MAU2: variants seen among roughly 807,000 people sequenced by gnomAD.
MAU2 encodes the protein MAU2 sister chromatid cohesion factor, also known as MAU2 chromatid cohesion factor homolog.
A neutral mutation model predicts 89.1 loss-of-function variants in MAU2; 9 were observed. That is an observed-to-expected ratio of 0.10 (90% CI 0.06 to 0.18). The LOEUF is 0.18. MAU2 is among the 10% of genes least tolerant of loss of function. MAU2 has a pLI of 1.00. For missense variants in MAU2, 425 were observed against 803.5 expected (o/e 0.53, Z 5.69); for synonymous variants, 357 against 343.4 (o/e 1.04, Z -0.44).
intron 1 of MAU2, among the ~76,000 whole-genome samples, chr19:19,326,711 TATATATATAC>T (rs1336603631): frequency 2.5e-5 from 3 of 121,008 alleles, no homozygotes; most frequent in African/African-American, 9.1e-5. Flanking sequence ...TGTATATATA[TATATATATAC>T]ATATATATAT....
chr19:19,323,701 C>G (rs2061483041), intron 1 of MAU2, among the ~76,000 whole-genome samples: 1 of 151,788 alleles, frequency 6.6e-6, no homozygotes, highest in South Asian at 2.1e-4. Flanking sequence ...AAGACAAGGG[C>G]TTGAACTCCT....
chr19:19,354,698 G>C, intron 17 of MAU2: 1 of 531,596 alleles, frequency 1.9e-6, no homozygotes, highest in South Asian at 2.2e-5. Context: ...GTATCTGGTA[G>C]ACTTGGGCTG....
chr19:19,339,557 G>GTT (rs912817658), intron 5 of MAU2: 6 of 147,106 alleles, frequency 4.1e-5, no homozygotes, highest in African/African-American at 9.9e-5. Flanking sequence ...TTTTTTTGTT[G>GTT]TTTTTTTTTT....
intron 1 of MAU2, chr19:19,334,235 C>A: frequency 1.0e-6 from 1 of 985,560 alleles, no homozygotes; most frequent in Non-Finnish European, 1.2e-6. Flanking sequence ...CTGGCCCCGC[C>A]ACTCTGAGGA....
chr19:19,329,666 G>T (rs978799645), intron 1 of MAU2, among the ~76,000 whole-genome samples: 1 of 151,978 alleles, frequency 6.6e-6, no homozygotes, highest in Non-Finnish European at 1.5e-5. Context: ...CAAGCAATAG[G>T]GTAGTTTAAA....
intron 3 of MAU2, among the ~76,000 whole-genome samples, chr19:19,336,782 C>T (rs1022801590): frequency 1.3e-5 from 2 of 152,200 alleles, no homozygotes; most frequent in African/African-American, 4.8e-5. Flanking sequence ...ATCTGCCTTC[C>T]TCCCACCTCA....
At chr19:19,350,607 C>CAAA (rs35857527) in intron 16 of MAU2, among the ~76,000 whole-genome samples, 1 of 130,394 alleles carries the variant, frequency 7.7e-6, no homozygotes, top group Non-Finnish European at 1.6e-5. Context: ...GACTCCATCT[C>CAAA]AAAAAAAAAA....
intron 1 of MAU2, among the ~76,000 whole-genome samples, chr19:19,328,455 T>C (rs2061529305): frequency 6.6e-6 from 1 of 150,462 alleles, no homozygotes; most frequent in Admixed American, 6.7e-5. Context: ...AGAGTCTCAC[T>C]CTGTTGCCCA....
chr19:19,341,395 G>T lies in MAU2; in HGVS notation c.723G>T (p.Leu241=), dbSNP rs1460536734. 6.2e-7 allele frequency: 1 copy of T among 1,613,846 alleles called. No individual in the cohort carries two copies. Among genetic ancestry groups the T allele is most frequent in the South Asian group, 1.1e-5 (1 of 91,086 alleles). ...TGGTGCTCCAGGTCACCCACTATCTGGATGCCGGGCAGGTGTGTGGCGCCT... is the reference window on the plus strand; with the variant it reads ...TGGTGCTCCAGGTCACCCACTATCTTGATGCCGGGCAGGTGTGTGGCGCCT... The part of the protein sequence containing the change: ...FFLVLQVTHY[L]DAGQVKSVKP... The change falls in exon 7 of 19, where the codon CTG becomes CTT. Residue 241 remains leucine, a synonymous_variant. Coordinates refer to ENST00000262815, the MANE Select transcript of MAU2 (RefSeq NM_015329.4).
chr19:19,327,356 C>T (rs894004675), intron 1 of MAU2, among the ~76,000 whole-genome samples: 4 of 150,566 alleles, frequency 2.7e-5, no homozygotes, highest in Non-Finnish European at 4.4e-5. Flanking sequence ...GACAGAGTCT[C>T]GCTCTGTCGC....
chr19:19,351,079 G>A (rs1055229803), intron 16 of MAU2, among the ~76,000 whole-genome samples: 6 of 151,544 alleles, frequency 4.0e-5, no homozygotes, highest in African/African-American at 1.5e-4. Context: ...GTCTCACTCC[G>A]TCACCCAAGT....
intron 16 of MAU2, among the ~76,000 whole-genome samples, chr19:19,351,265 C>CT (rs1487352274): frequency 6.6e-6 from 1 of 151,738 alleles, no homozygotes; most frequent in Non-Finnish European, 1.5e-5. Context: ...CCAGACTGGT[C>CT]TTGAACTCCT....
At chr19:19,343,465 AG>A (rs1183699055) in intron 9 of MAU2, among the ~76,000 whole-genome samples, 19 of 152,184 alleles carry the variant, frequency 1.2e-4, no homozygotes, top group South Asian at 6.2e-4. Flanking sequence ...GGTGGGGCCC[AG>A]CCCAGGTCCC....
chr19:19,334,508 G>A (rs1383141806), intron 1 of MAU2: 1 of 985,870 alleles, frequency 1.0e-6, no homozygotes, highest in African/African-American at 1.7e-5. Flanking sequence ...GCTGCCCCCA[G>A]CCGTGGATCT....
intron 1 of MAU2, among the ~76,000 whole-genome samples, chr19:19,323,376 GT>G (rs2061479219): frequency 6.6e-6 from 1 of 151,768 alleles, no homozygotes; most frequent in Admixed American, 6.6e-5. Context: ...TGTATTTTTA[GT>G]AGAGACAGAG....
rs74335380 is a variant in MAU2 at position 19,343,476 on chromosome 19, C to T, written c.974-361C>T. Among the ~76,000 whole-genome samples, 12 of 152,316 alleles carry T rather than the reference C, an allele frequency of 7.9e-5. No individual in the cohort carries two copies. The East Asian group carries it at 1.9e-3, about 25-fold the overall frequency. On this transcript the variant is annotated intron_variant, in intron 9 of 18. Coordinates refer to ENST00000262815, the MANE Select transcript of MAU2 (RefSeq NM_015329.4). ...GGGAGGTGGGGCCCAGCCCAGGTCCCCCTACCCGACTGCCTGAGGCTCTGC... is the reference window on the plus strand; with the variant it reads ...GGGAGGTGGGGCCCAGCCCAGGTCCTCCTACCCGACTGCCTGAGGCTCTGC...
At chr19:19,329,559 AC>A (rs2061538311) in intron 1 of MAU2, among the ~76,000 whole-genome samples, 1 of 152,110 alleles carries the variant, frequency 6.6e-6, no homozygotes, top group Admixed American at 6.6e-5. Context: ...CTGTGATGAC[AC>A]CCAGCCACTG....
chr19:19,348,980 C>T (rs146780714), intron 14 of MAU2, 42 bp downstream of exon 14: 28,196 of 1,604,842 alleles, frequency 0.018, 916 homozygotes, highest in South Asian at 0.11. Flanking sequence ...GCCTAGGCTC[C>T]CCGTGCTCTT....
intron 16 of MAU2, 151 bp downstream of exon 16, chr19:19,349,587 T>C: frequency 1.4e-6 from 1 of 692,672 alleles, no homozygotes; most frequent in Non-Finnish European, 2.4e-6. Flanking sequence ...TCCCACAGCC[T>C]GGGCAGGCAG....
Sources: gnomAD v4.1 joint callset for allele counts (sites outside exome capture counted in the v4.1 genomes callset) on GRCh38, gnomAD v4.1.1 for gene constraint, MANE v1.5 for transcripts, NCBI Gene and HGNC (gene_info 2026-07-23, HGNC 2026-07-21) for gene names.